The following TIAL1 variants were observed in gnomAD, a reference collection of about 807,000 sequenced individuals.
TIAL1 encodes nucleolysin TIAR.
TIAL1 carries 7 observed loss-of-function variants against 59.7 expected under a neutral mutation model. The ratio of observed to expected loss-of-function variants is 0.12; its 90% CI spans 0.07 to 0.22. The LOEUF (loss-of-function observed/expected upper bound fraction) is 0.22, where lower values mean the gene tolerates loss of function less well. Ranked by LOEUF, TIAL1 falls within the 10% of genes least tolerant of loss-of-function variation. The probability of loss-of-function intolerance (pLI) is 1.00; values close to 1 mark genes in which losing one functional copy is unlikely to be tolerated. For missense variants in TIAL1, 225 were observed against 462.5 expected (o/e 0.49, Z 4.71); for synonymous variants, 149 against 146.3 (o/e 1.02, Z -0.13).
chr10:119,576,099 G>C (rs1316838660), intron 11 of TIAL1, among the ~76,000 whole-genome samples: 1 of 149,394 alleles, frequency 6.7e-6, no homozygotes, highest in African/African-American at 2.5e-5. Context: ...TTAAAAACAA[G>C]TTCATGTTGG....
At chr10:119,590,989 T>A (rs1000781000) in intron 1 of TIAL1, among the ~76,000 whole-genome samples, 1 of 152,208 alleles carries the variant, frequency 6.6e-6, no homozygotes, top group African/African-American at 2.4e-5. Flanking sequence ...ACATTTTAAA[T>A]GATTTAAATA....
intron 1 of TIAL1, among the ~76,000 whole-genome samples, chr10:119,594,055 T>C (rs1191745035): frequency 6.9e-6 from 1 of 145,820 alleles, no homozygotes; most frequent in Non-Finnish European, 1.5e-5. Flanking sequence ...TAGGAAGATG[T>C]AGTAGTCCTT....
chr10:119,595,634 C>G (rs1846131889), intron 1 of TIAL1, among the ~76,000 whole-genome samples: 1 of 152,240 alleles, frequency 6.6e-6, no homozygotes, highest in African/African-American at 2.4e-5. Flanking sequence ...AGACACACAT[C>G]AAATAGCGGA....
intron 1 of TIAL1, among the ~76,000 whole-genome samples, chr10:119,589,649 T>C (rs1020063983): frequency 6.6e-6 from 1 of 152,246 alleles, no homozygotes; most frequent in African/African-American, 2.4e-5. Flanking sequence ...CAATTGAATG[T>C]GTTTTGTGTA....
At chr10:119,583,614 C>A (rs1845400724) in intron 2 of TIAL1, among the ~76,000 whole-genome samples, 2 of 152,158 alleles carry the variant, frequency 1.3e-5, no homozygotes, top group South Asian at 2.1e-4. Flanking sequence ...GTTGGACTTA[C>A]AAGGGATAAA....
chr10:119,579,112 G>A (rs1273226505), intron 6 of TIAL1, among the ~76,000 whole-genome samples: 1 of 152,172 alleles, frequency 6.6e-6, no homozygotes, highest in African/African-American at 2.4e-5. Context: ...CAAGGCAGGA[G>A]GATCACTTGA....
At chr10:119,583,822 C>G (rs187586569) in intron 2 of TIAL1, among the ~76,000 whole-genome samples, 1 of 152,164 alleles carries the variant, frequency 6.6e-6, no homozygotes, top group African/African-American at 2.4e-5. Flanking sequence ...ACTGTTGTAG[C>G]CACGTGAATG....
intron 7 of TIAL1, among the ~76,000 whole-genome samples, chr10:119,578,022 C>T (rs973857996): frequency 1.6e-4 from 25 of 151,884 alleles, no homozygotes; most frequent in African/African-American, 5.1e-4. Flanking sequence ...GTCACGAGTT[C>T]GAGACCAGCC....
chr10:119,594,220 C>A (rs1385140214), intron 1 of TIAL1, among the ~76,000 whole-genome samples: 1 of 152,048 alleles, frequency 6.6e-6, no homozygotes, highest in East Asian at 1.9e-4. Context: ...TAAACATAGA[C>A]AACTTAACTG....
chr10:119,592,761 T>TCA (rs201563429), intron 1 of TIAL1, among the ~76,000 whole-genome samples: 22 of 111,582 alleles, frequency 2.0e-4, no homozygotes, highest in African/African-American at 4.7e-4. Context: ...TATGAGATAT[T>TCA]CTCACACACA....
In TIAL1 at chr10:119,596,894, AAGAG is replaced by A. The variant is rs1846235020; in HGVS notation, c.-433_-430del. The A allele has an allele frequency of 2.1e-5, 4 of 188,078 alleles. No individual in the cohort carries two copies. The highest frequency in any genetic ancestry group is 9.5e-5 in the African/African-American group (4 of 42,116). 11.7% of individuals were successfully genotyped at this position (188,078 alleles called of 1,614,324 possible). A position where few individuals can be genotyped will look rare whatever the true frequency, so the allele number is the denominator to read the frequency against. On this transcript the variant is annotated 5_prime_UTR_variant, in exon 1 of 12. Coordinates refer to ENST00000436547, the MANE Select transcript of TIAL1 (RefSeq NM_003252.4). ...CCAGCTCCGGGAGAGATCGGGCAAAAAGAGAAACGTCGTGAAGCCGAAGTCTCTG... is the reference window on the plus strand; with the variant it reads ...CCAGCTCCGGGAGAGATCGGGCAAAAAAACGTCGTGAAGCCGAAGTCTCTG...
chr10:119,575,952 G>T (rs1312242046), intron 11 of TIAL1, among the ~76,000 whole-genome samples, 161 bp from the exon 12 acceptor site: 1 of 152,078 alleles, frequency 6.6e-6, no homozygotes, highest in Non-Finnish European at 1.5e-5. Context: ...TATATGTGTA[G>T]AATACATATT....
Position 119,582,394 on chromosome 10 carries a change from G to T in TIAL1, c.228+65C>A, listed in dbSNP as rs1589868375. ...ATCTGCTCAAAAATTTGCCTAGAAAGAATACAAACTAGTTTGACATGCAAA... is the reference window on the plus strand; with the variant it reads ...ATCTGCTCAAAAATTTGCCTAGAAATAATACAAACTAGTTTGACATGCAAA... On this transcript the variant is annotated intron_variant, in intron 3 of 11. Coordinates refer to ENST00000436547, the MANE Select transcript of TIAL1 (RefSeq NM_003252.4). The surrounding 1 kb of genome is among the most constrained non-coding windows in gnomAD (Gnocchi z 5.1). 1.3e-6 allele frequency: 2 copies of T among 1,523,268 alleles called. No homozygotes were observed. The highest frequency in any genetic ancestry group is 1.8e-6 in the Non-Finnish European group (2 of 1,141,292). 94.4% of individuals were successfully genotyped at this position (1,523,268 alleles called of 1,614,324 possible).
rs1554862535 is a variant in TIAL1 at position 119,574,602 on chromosome 10, A to AAC, written c.*1062_*1063insGT. ...AATGTAAAGCAAAAAAAAAAAAAAA[A>AAC]AAAAACAAAAACAAAAAACTAATTC... is the stretch of plus-strand genomic sequence containing the variant. On this transcript the variant is annotated 3_prime_UTR_variant, in exon 12 of 12. Transcript: ENST00000436547. 339 of 148,464 alleles carry AAC rather than the reference A, an allele frequency of 2.3e-3. No individual in the cohort carries two copies. Among genetic ancestry groups the AAC allele is most frequent in the Middle Eastern group, 0.01 (3 of 288 alleles). 9.2% of individuals were successfully genotyped at this position (148,464 alleles called of 1,614,324 possible).
intron 2 of TIAL1, among the ~76,000 whole-genome samples, chr10:119,584,574 C>G (rs1220015426): frequency 2.0e-5 from 3 of 152,156 alleles, no homozygotes; most frequent in African/African-American, 7.2e-5. Flanking sequence ...CACCTGTAAT[C>G]CCAGCACTTT....
At chr10:119,578,425 A>C (rs976703837) in intron 7 of TIAL1, among the ~76,000 whole-genome samples, 22 of 152,092 alleles carry the variant, frequency 1.4e-4, no homozygotes, top group African/African-American at 4.6e-4. Context: ...CACTAATTAA[A>C]TACTACGTCA....
chr10:119,596,639 C>G lies in TIAL1; in HGVS notation c.-174G>C. ...CCCGCTCCGGACACTGCGCTCCAACCAGGAGGAGCAGGAGGAGGAGGAGGA... is the reference window on the plus strand; with the variant it reads ...CCCGCTCCGGACACTGCGCTCCAACGAGGAGGAGCAGGAGGAGGAGGAGGA... On this transcript the variant is annotated 5_prime_UTR_variant, in exon 1 of 12. Transcript: ENST00000436547. The G allele has an allele frequency of 1.7e-6, 1 of 600,920 alleles. No homozygotes were observed. Among genetic ancestry groups the G allele is most frequent in the South Asian group, 2.0e-5 (1 of 50,730 alleles). The allele number at this position is 600,920 out of a possible 1,614,324, so 37.2% of individuals were successfully genotyped here.
chr10:119,574,598 A>AC lies in TIAL1; in HGVS notation c.*1066_*1067insG, dbSNP rs1249886169. ...AAGTAATGTAAAGCAAAAAAAAAAAAAAAAAAAAACAAAAACAAAAAACTA... is the reference window on the plus strand; with the variant it reads ...AAGTAATGTAAAGCAAAAAAAAAAAACAAAAAAAAACAAAAACAAAAAACTA... On this transcript the variant is annotated 3_prime_UTR_variant, in exon 12 of 12. Transcript: ENST00000436547. The AC allele has an allele frequency of 1.3e-5, 2 of 150,558 alleles. No individual in the cohort carries two copies. The highest frequency in any genetic ancestry group is 1.5e-5 in the Non-Finnish European group (1 of 67,704). 9.3% of individuals were successfully genotyped at this position (150,558 alleles called of 1,614,324 possible).
rs750195442 is a variant in TIAL1 at position 119,575,773 on chromosome 10, A to T, written c.1020T>A (p.Ala340=). ...GFGVDQSPSA[A]WMGGFGAQPP... ...GCTGAGCACCAAATCCACCCATCCA[A>T]GCAGCAGAAGGTGATTGACTTGGAA... is the stretch of plus-strand genomic sequence containing the variant. Residue 340 remains alanine, a synonymous_variant, in exon 12 of 12, where the codon GCT becomes GCA. Coordinates refer to ENST00000436547, the MANE Select transcript of TIAL1 (RefSeq NM_003252.4). 6.3e-7 allele frequency: 1 copy of T among 1,581,570 alleles called. No homozygotes were observed. Among genetic ancestry groups the T allele is most frequent in the Non-Finnish European group, 8.6e-7 (1 of 1,167,710 alleles).
Sources: allele counts gnomAD v4.1 joint callset (sites outside exome capture counted in the v4.1 genomes callset), GRCh38; gene constraint gnomAD v4.1.1; non-coding constraint Gnocchi (gnomAD v3.1); transcripts MANE v1.5; gene names NCBI Gene and HGNC (gene_info 2026-07-23, HGNC 2026-07-21).